The following ZNF609 variants were observed in gnomAD, a reference collection of about 807,000 sequenced individuals.
The protein encoded by ZNF609 is zinc finger protein 609.
In ZNF609, 11 loss-of-function variants were observed where a neutral mutation model predicts 109.5. The observed-to-expected ratio is 0.10, with a 90% CI of 0.06 to 0.17. The LOEUF (loss-of-function observed/expected upper bound fraction) is 0.17, where lower values mean the gene tolerates loss of function less well. ZNF609 is among the 10% of genes least tolerant of loss of function. The pLI, the probability that ZNF609 is intolerant of heterozygous loss-of-function variation, is 1.00. For missense variants in ZNF609, 1,559 were observed against 1,772.4 expected, an observed-to-expected ratio of 0.88 and a Z score of 2.16; for synonymous variants, 646 against 662.0, an observed-to-expected ratio of 0.98 and a Z score of 0.37.
intron 3 of ZNF609, among the ~76,000 whole-genome samples, chr15:64,630,175 G>A (rs533728114): frequency 6.5e-4 from 96 of 148,614 alleles, no homozygotes; most frequent in Middle Eastern, 3.5e-3. Flanking sequence ...GGGTTCAAGC[G>A]ATTCTTCTGC....
chr15:64,571,019 C>T (rs949694401), intron 2 of ZNF609, among the ~76,000 whole-genome samples: 2 of 152,292 alleles, frequency 1.3e-5, no homozygotes, highest in Non-Finnish European at 2.9e-5. Flanking sequence ...GAGCGAGACT[C>T]TGTCTCTAAA....
chr15:64,599,993 T>C (rs2140946802), intron 2 of ZNF609, among the ~76,000 whole-genome samples: 1 of 152,322 alleles, frequency 6.6e-6, no homozygotes, highest in South Asian at 2.1e-4. Context: ...TTCACTTCTG[T>C]TATGATTATT....
At chr15:64,485,617 A>G (rs1893320725) in intron 1 of ZNF609, among the ~76,000 whole-genome samples, 1 of 152,148 alleles carries the variant, frequency 6.6e-6, no homozygotes, top group South Asian at 2.1e-4. Flanking sequence ...AGCCTGGGCA[A>G]CATAGTGAGA....
intron 2 of ZNF609, among the ~76,000 whole-genome samples, chr15:64,542,960 G>C (rs906818830): frequency 5.9e-5 from 9 of 152,104 alleles, no homozygotes; most frequent in Non-Finnish European, 1.3e-4. Context: ...CATGGACACA[G>C]GGAGGGGAAC....
chr15:64,537,195 C>T (rs1894164355), intron 2 of ZNF609, among the ~76,000 whole-genome samples: 1 of 149,616 alleles, frequency 6.7e-6, no homozygotes, highest in African/African-American at 2.5e-5. Context: ...TGCACTCCAG[C>T]CTGGGTAACA....
intron 1 of ZNF609, among the ~76,000 whole-genome samples, chr15:64,474,076 T>G (rs1024028523): frequency 6.7e-6 from 1 of 150,200 alleles, no homozygotes; most frequent in African/African-American, 2.5e-5. Flanking sequence ...CCTGGCCAAT[T>G]TTTATATTTT....
At chr15:64,512,717 A>G (rs1367076836) in intron 2 of ZNF609, among the ~76,000 whole-genome samples, 1 of 152,176 alleles carries the variant, frequency 6.6e-6, no homozygotes, top group African/African-American at 2.4e-5. Flanking sequence ...TTTGGGGTAT[A>G]AAGTATTTCC....
At chr15:64,612,851 C>T (rs1198660081) in intron 2 of ZNF609, among the ~76,000 whole-genome samples, 1 of 151,784 alleles carries the variant, frequency 6.6e-6, no homozygotes, top group African/African-American at 2.4e-5. Context: ...TCTGTCTCTA[C>T]TAAAAATACA....
At chr15:64,500,476 C>G in intron 2 of ZNF609, 1 of 644,862 alleles carries the variant, frequency 1.6e-6, no homozygotes, top group South Asian at 1.8e-5. Context: ...ACCTCAGACA[C>G]TTGTTGGTAG....
chr15:64,478,077 T>G (rs1325509469), intron 1 of ZNF609, among the ~76,000 whole-genome samples: 1 of 152,160 alleles, frequency 6.6e-6, no homozygotes, highest in African/African-American at 2.4e-5. Flanking sequence ...CACCAGCTTG[T>G]GTAGTTTCAG....
chr15:64,476,995 C>T (rs1893179418), intron 1 of ZNF609, among the ~76,000 whole-genome samples: 1 of 152,114 alleles, frequency 6.6e-6, no homozygotes, highest in African/African-American at 2.4e-5. Flanking sequence ...GACTTCCTCT[C>T]AACACATTAG....
At chr15:64,583,671 G>A (rs980847789) in intron 2 of ZNF609, among the ~76,000 whole-genome samples, 20 of 152,122 alleles carry the variant, frequency 1.3e-4, no homozygotes, top group Non-Finnish European at 2.8e-4. Flanking sequence ...TGCATGGTGC[G>A]GGTGAGTACC....
intron 3 of ZNF609, among the ~76,000 whole-genome samples, chr15:64,629,975 GATTT>G (rs1293530334): frequency 6.6e-6 from 1 of 151,762 alleles, no homozygotes; most frequent in Non-Finnish European, 1.5e-5. Flanking sequence ...AACAGAAACT[GATTT>G]ATTAAATTCG....
chr15:64,660,041 G>C (rs759778035), intron 3 of ZNF609, among the ~76,000 whole-genome samples: 2 of 151,872 alleles, frequency 1.3e-5, no homozygotes, highest in Non-Finnish European at 2.9e-5. Context: ...CGCCATGTTG[G>C]CCAGGCTGGT....
At chr15:64,653,837 T>C (rs573876102) in intron 3 of ZNF609, among the ~76,000 whole-genome samples, 1 of 152,020 alleles carries the variant, frequency 6.6e-6, no homozygotes, top group Non-Finnish European at 1.5e-5. Flanking sequence ...GTCCAAGATA[T>C]CACACTCTCC....
chr15:64,681,364 CCCA>C lies in ZNF609; in HGVS notation c.4221_4223del (p.Pro1409del). On this transcript the variant is annotated inframe_deletion, in exon 9 of 10. Transcript: ENST00000326648. ...AACAAGGCTCAACTCCCTCACTCTA[CCCA>C]CCCCCCAGGAGGTGAGAATGGTAAG... 6.2e-7 allele frequency: 1 copy of C among 1,614,024 alleles called. No homozygotes were observed. Among genetic ancestry groups the C allele is most frequent in the South Asian group, 1.1e-5 (1 of 91,088 alleles).
At chr15:64,563,112 C>T (rs1894706826) in intron 2 of ZNF609, among the ~76,000 whole-genome samples, 1 of 151,972 alleles carries the variant, frequency 6.6e-6, no homozygotes, top group African/African-American at 2.4e-5. Context: ...CACTGCACTC[C>T]AGCCTGGGCA....
At chr15:64,578,235 GT>G (rs953820425) in intron 2 of ZNF609, among the ~76,000 whole-genome samples, 3 of 148,042 alleles carry the variant, frequency 2.0e-5, no homozygotes, top group African/African-American at 5.0e-5. Flanking sequence ...CCCAGCCAAG[GT>G]TTTTTTTTTA....
At position 64,681,367 on chromosome 15, in the gene ZNF609, A is replaced by G; in HGVS notation, c.4221A>G (p.Pro1407=). ...AAGGCTCAACTCCCTCACTCTACCCACCCCCCAGGAGGTGAGAATGGTAAG... is the reference window on the plus strand; with the variant it reads ...AAGGCTCAACTCCCTCACTCTACCCGCCCCCCAGGAGGTGAGAATGGTAAG... ...SQQGSTPSLY[P]PPRR Residue 1407 remains proline, a synonymous_variant, in exon 9 of 10, where the codon CCA becomes CCG. Coordinates refer to ENST00000326648, the MANE Select transcript of ZNF609 (RefSeq NM_015042.2). The G allele has an allele frequency of 1.2e-6, 2 of 1,613,216 alleles. No homozygotes were observed. The highest frequency in any genetic ancestry group is 1.7e-6 in the Non-Finnish European group (2 of 1,179,694).
Sources: allele counts gnomAD v4.1 joint callset (sites outside exome capture counted in the v4.1 genomes callset), GRCh38; gene constraint gnomAD v4.1.1; transcripts MANE v1.5; gene names NCBI Gene and HGNC (gene_info 2026-07-23, HGNC 2026-07-21).